IGF2R: variants seen among roughly 807,000 people sequenced by gnomAD.
The protein encoded by IGF2R is cation-independent mannose-6-phosphate receptor.
Under a neutral mutation model 270.6 loss-of-function variants are expected in IGF2R, and 91 were observed. The observed-to-expected ratio is 0.34, with a 90% confidence interval of 0.28 to 0.40. The LOEUF (loss-of-function observed/expected upper bound fraction) is 0.40. Among genes scored for constraint, IGF2R ranks in the 10% least tolerant of loss-of-function variants. The pLI is 1.00. For missense variants in IGF2R, 2,805 were observed against 3,188.3 expected (o/e 0.88, Z 2.90); for synonymous variants, 1,316 against 1,258.9 (o/e 1.05, Z -0.96).
Position 160,058,105 on chromosome 6 carries a change from G to A in IGF2R, c.2879G>A (p.Gly960Asp). Residue 960 changes from glycine (G) to aspartate (D), a missense_variant, in exon 21 of 48, where the codon GGC becomes GAC. By Grantham distance (94) the Gly-to-Asp change is moderately conservative. Transcript: ENST00000356956. The part of the protein sequence containing the change: ...LNSSQGYNVS[G>D]IGKIFMFNVC... Reference sequence around the variant, plus strand: ...AGTTCGCAAGGATATAACGTCTCTGGCATTGGGAAGATTTTTATGGTAAGA... The same window carrying A: ...AGTTCGCAAGGATATAACGTCTCTGACATTGGGAAGATTTTTATGGTAAGA... 6.2e-7 allele frequency: 1 copy of A among 1,610,172 alleles called. No homozygotes were observed. Among genetic ancestry groups the A allele is most frequent in the East Asian group, 2.2e-5 (1 of 44,852 alleles).
intron 44 of IGF2R, among the ~76,000 whole-genome samples, chr6:160,092,574 A>C (rs1779250551): frequency 6.6e-6 from 1 of 152,248 alleles, no homozygotes; most frequent in Admixed American, 6.5e-5. Flanking sequence ...ATCTTTCATG[A>C]AGAAATGAAG....
chr6:160,009,178 A>AT, intron 3 of IGF2R, 44 bp downstream of exon 3: 1 of 1,546,432 alleles, frequency 6.5e-7, no homozygotes, highest in Non-Finnish European at 8.8e-7. Flanking sequence ...AAAAAAAAAA[A>AT]GGTCTGCCCC....
chr6:160,029,445 C>T, intron 6 of IGF2R, 105 bp from the exon 7 acceptor site: 2 of 641,380 alleles, frequency 3.1e-6, no homozygotes, highest in East Asian at 2.8e-5. Context: ...CTTCTGTTAC[C>T]CTCTCCTCCC....
chr6:160,083,822 TAAC>T (rs1779038746), intron 39 of IGF2R, 125 bp from the exon 40 acceptor site: 2 of 693,808 alleles, frequency 2.9e-6, no homozygotes, highest in Non-Finnish European at 4.9e-6. Flanking sequence ...AGCTACAAAT[TAAC>T]AACATCTCAG....
intron 5 of IGF2R, among the ~76,000 whole-genome samples, chr6:160,024,937 T>C (rs1365038170): frequency 6.6e-6 from 1 of 152,104 alleles, no homozygotes; most frequent in Non-Finnish European, 1.5e-5. Context: ...GTTGATCCAT[T>C]CCATGTGGGT....
chr6:159,975,398 T>C (rs774610022), intron 1 of IGF2R, among the ~76,000 whole-genome samples: 61 of 152,190 alleles, frequency 4.0e-4, no homozygotes, highest in Non-Finnish European at 8.2e-4. Flanking sequence ...TTCAACTATT[T>C]GGAAGCTCCC....
At chr6:160,103,892 A>G in intron 47 of IGF2R, 77 bp downstream of exon 47, 1 of 967,438 alleles carries the variant, frequency 1.0e-6, no homozygotes, top group Non-Finnish European at 1.7e-6. Flanking sequence ...CGTTCTCATC[A>G]GGGGTGCCAA....
chr6:160,033,125 G>A lies in IGF2R; in HGVS notation c.1211+18G>A. ...ACCCTCCGGTACGTCAACAACCTCT[G>A]TGCGATTTTCCTTTTTCTTTGTATT... On this transcript the variant is annotated intron_variant, in intron 9 of 47. Transcript: ENST00000356956. 1 of 1,597,370 alleles carries A rather than the reference G, an allele frequency of 6.3e-7. No homozygotes were observed. Among genetic ancestry groups the A allele is most frequent in the Non-Finnish European group, 8.6e-7 (1 of 1,167,134 alleles).
At chr6:160,072,649 G>A in intron 32 of IGF2R, 116 bp from the exon 33 acceptor site, 2 of 1,101,676 alleles carry the variant, frequency 1.8e-6, no homozygotes, top group Non-Finnish European at 2.7e-6. Flanking sequence ...AGGGGTCGTG[G>A]TGAGAAGTCA....
At position 160,032,649 on chromosome 6, in the gene IGF2R, T is replaced by C; in HGVS notation, c.981T>C (p.Thr327=). ...ACAGAGATTACCTGGAAAGTAAAAC[T>C]TGTTCTCTGAGCGGCGAGCAGCAGG... ...ACHRDYLESK[T]CSLSGEQQDV... is the part of the protein sequence containing the mutation. The change falls in exon 8 of 48, where the codon ACT becomes ACC. Residue 327 remains threonine, a synonymous_variant. Coordinates refer to ENST00000356956, the MANE Select transcript of IGF2R (RefSeq NM_000876.4). 3.1e-6 allele frequency: 5 copies of C among 1,614,196 alleles called. No homozygotes were observed. Among genetic ancestry groups the C allele is most frequent in the Non-Finnish European group, 4.2e-6 (5 of 1,180,046 alleles).
Position 159,984,028 on chromosome 6 carries a change from A to G in IGF2R, c.150-7156A>G, listed in dbSNP as rs547031965. Among the ~76,000 whole-genome samples, 13 of 152,326 alleles carry G rather than the reference A, an allele frequency of 8.5e-5. No individual in the cohort carries two copies. The South Asian group carries it at 2.7e-3, about 32-fold the overall frequency. On this transcript the variant is annotated intron_variant, in intron 1 of 47. Transcript: ENST00000356956. ...TTTAAGCTTGGGGAAGAAGTTGAGC[A>G]AGGAAAAGCATATGATCTGTTGATC...
intron 1 of IGF2R, among the ~76,000 whole-genome samples, chr6:159,977,017 C>T (rs1034022229): frequency 6.6e-6 from 1 of 152,200 alleles, no homozygotes; most frequent in Non-Finnish European, 1.5e-5. Context: ...AGCTGGATGT[C>T]GTTTGCTGCT....
In IGF2R at chr6:160,068,906, G is replaced by A. The variant is rs142377743; in HGVS notation, c.4252+521G>A. Among the ~76,000 whole-genome samples the A allele has an allele frequency of 3.5e-3, 537 of 152,314 alleles. 5 individuals are homozygous for A. Among genetic ancestry groups the A allele is most frequent in the African/African-American group, 0.012 (516 of 41,568 alleles). ...GAATGATTTAAGGGTGTTAACAGTT[G>A]ATCCCTAGTATGGCCCAGGGTAAAT... On this transcript the variant is annotated intron_variant, in intron 30 of 47. Coordinates refer to ENST00000356956, the MANE Select transcript of IGF2R (RefSeq NM_000876.4).
At chr6:160,071,772 T>G in intron 31 of IGF2R, 138 bp from the exon 32 acceptor site, 1 of 1,151,842 alleles carries the variant, frequency 8.7e-7, no homozygotes, top group Non-Finnish European at 1.3e-6. Flanking sequence ...AATCTGCGCC[T>G]CATCCCACAG....
At chr6:160,047,932 T>C (rs1287773379) in intron 17 of IGF2R, 25 bp downstream of exon 17, 2 of 1,464,642 alleles carry the variant, frequency 1.4e-6, no homozygotes, top group Non-Finnish European at 1.9e-6. Context: ...GCTGCTCTGT[T>C]TTTGGCCTGG....
chr6:160,080,111 T>C lies in IGF2R; in HGVS notation c.5687-18T>C, dbSNP rs1562371164. ...CGAGGCACAGCTGCCACACTGATAA[T>C]GTTCTTCTTCTTTCCAGAAACCGAT... is the stretch of plus-strand genomic sequence containing the variant. On this transcript the variant is annotated intron_variant, in intron 38 of 47. Transcript: ENST00000356956. 4 of 1,613,432 alleles carry C rather than the reference T, an allele frequency of 2.5e-6. No homozygotes were observed. The highest frequency in any genetic ancestry group is 3.4e-6 in the Non-Finnish European group (4 of 1,179,716).
At chr6:159,988,164 A>G (rs1005480901) in intron 1 of IGF2R, among the ~76,000 whole-genome samples, 2 of 152,106 alleles carry the variant, frequency 1.3e-5, no homozygotes, top group Non-Finnish European at 2.9e-5. Flanking sequence ...CCCCAAGCAA[A>G]CACACTCTTT....
At chr6:160,094,173 C>T in intron 44 of IGF2R, 1 of 385,148 alleles carries the variant, frequency 2.6e-6, no homozygotes, top group South Asian at 2.1e-5. Context: ...GGTCTATAAA[C>T]AGGGCGTTAC....
chr6:160,053,757 T>A (rs1778248252), intron 19 of IGF2R, among the ~76,000 whole-genome samples: 1 of 152,184 alleles, frequency 6.6e-6, no homozygotes, highest in African/African-American at 2.4e-5. Context: ...GGCTAGCGTG[T>A]AGTGGGTGTA....
Sources: gnomAD v4.1 joint callset for allele counts (sites outside exome capture counted in the v4.1 genomes callset) on GRCh38, gnomAD v4.1.1 for gene constraint, MANE v1.5 for transcripts, NCBI Gene and HGNC (gene_info 2026-07-23, HGNC 2026-07-21) for gene names.